Variants in IGFBP7 observed in about 807,000 individuals in gnomAD.
IGFBP7 encodes insulin-like growth factor-binding protein 7.
A neutral mutation model predicts 29.4 loss-of-function variants in IGFBP7; 31 were observed. The observed-to-expected ratio is 1.05, with a 90% CI of 0.79 to 1.42. IGFBP7 has a LOEUF of 1.42. Among genes scored for constraint, IGFBP7 ranks in the 40% most tolerant of loss-of-function variants. IGFBP7 has a pLI of 0.00. For missense variants in IGFBP7, 393 were observed against 395.5 expected (o/e 0.99, Z 0.05); for synonymous variants, 172 against 174.9 (o/e 0.98, Z 0.13).
intron 1 of IGFBP7, among the ~76,000 whole-genome samples, chr4:57,062,499 G>A (rs1348028998): frequency 1.3e-5 from 2 of 152,164 alleles, no homozygotes; most frequent in East Asian, 1.9e-4. Context: ...GCTTAGACTT[G>A]CAACCCCAAA....
chr4:57,074,055 C>A (rs1388861649), intron 1 of IGFBP7, among the ~76,000 whole-genome samples: 7 of 64,070 alleles, frequency 1.1e-4, no homozygotes, highest in Non-Finnish European at 2.3e-4. Context: ...CTCTCTCTCT[C>A]TCTCTCTCTC....
At chr4:57,034,809 T>G (rs1442564898) in intron 2 of IGFBP7, among the ~76,000 whole-genome samples, 1 of 152,178 alleles carries the variant, frequency 6.6e-6, no homozygotes, top group Admixed American at 6.5e-5. Context: ...TTTTTGCATT[T>G]TTTTTCTGGA....
At position 57,035,616 on chromosome 4, in the gene IGFBP7, A is replaced by T. The variant is rs575841661; in HGVS notation, c.586-2305T>A. Among the ~76,000 whole-genome samples, 64 of 152,076 alleles carry T rather than the reference A, an allele frequency of 4.2e-4. 1 individual carries two copies. The South Asian group carries it at 0.013, about 31-fold the overall frequency. On this transcript the variant is annotated intron_variant, in intron 2 of 4. Transcript: ENST00000295666. Reference sequence around the variant, plus strand: ...GCTGGGATTACAGGCATGTGCCACCACGCCTGGCTAATTTTTATAGTTTTA... The same window carrying T: ...GCTGGGATTACAGGCATGTGCCACCTCGCCTGGCTAATTTTTATAGTTTTA...
At chr4:57,076,341 A>G (rs1482712640) in intron 1 of IGFBP7, among the ~76,000 whole-genome samples, 1 of 152,216 alleles carries the variant, frequency 6.6e-6, no homozygotes, top group Non-Finnish European at 1.5e-5. Context: ...GTACCAAGGA[A>G]TTCTTGCTCA....
intron 1 of IGFBP7, among the ~76,000 whole-genome samples, chr4:57,043,579 G>C (rs895691245): frequency 3.9e-5 from 6 of 152,190 alleles, no homozygotes; most frequent in Non-Finnish European, 7.4e-5. Context: ...AGCATTAGAA[G>C]CTGATTTTTT....
chr4:57,049,769 A>T (rs1724458506), intron 1 of IGFBP7, among the ~76,000 whole-genome samples: 1 of 152,146 alleles, frequency 6.6e-6, no homozygotes, highest in African/African-American at 2.4e-5. Context: ...CTACGGAATC[A>T]AAAGATCTTC....
intron 1 of IGFBP7, among the ~76,000 whole-genome samples, chr4:57,081,735 G>A (rs569833685): frequency 6.6e-6 from 1 of 152,188 alleles, no homozygotes; most frequent in South Asian, 2.1e-4. Flanking sequence ...TTCTGAGTCC[G>A]CTGGGGCCTT....
intron 1 of IGFBP7, among the ~76,000 whole-genome samples, chr4:57,109,183 C>A (rs939169595): frequency 6.6e-5 from 10 of 152,056 alleles, no homozygotes; most frequent in African/African-American, 2.4e-4. Context: ...TGCCTGTAAT[C>A]CCAGCAGGCC....
At chr4:57,059,075 T>G (rs922872824) in intron 1 of IGFBP7, among the ~76,000 whole-genome samples, 1 of 152,194 alleles carries the variant, frequency 6.6e-6, no homozygotes, top group Non-Finnish European at 1.5e-5. Context: ...GAATTGCTAT[T>G]ATTAAATAGT....
chr4:57,091,069 T>A (rs1024231663), intron 1 of IGFBP7, among the ~76,000 whole-genome samples: 2 of 152,164 alleles, frequency 1.3e-5, no homozygotes, highest in Non-Finnish European at 2.9e-5. Context: ...GTTAGACAAC[T>A]GCCACTGCCA....
chr4:57,032,330 A>G, intron 4 of IGFBP7, 96 bp downstream of exon 4: 19 of 1,521,120 alleles, frequency 1.2e-5, no homozygotes, highest in Non-Finnish European at 1.5e-5. Flanking sequence ...ACAGAATTTC[A>G]TCAATAGCTA....
chr4:57,101,687 C>T (rs935206174), intron 1 of IGFBP7, among the ~76,000 whole-genome samples: 20 of 148,706 alleles, frequency 1.3e-4, no homozygotes, highest in Non-Finnish European at 2.7e-4. Flanking sequence ...GTAAACGTTT[C>T]CCCCCCTCCC....
intron 2 of IGFBP7, among the ~76,000 whole-genome samples, chr4:57,036,736 A>G (rs2109738432): frequency 6.6e-6 from 1 of 152,324 alleles, no homozygotes; most frequent in South Asian, 2.1e-4. Flanking sequence ...CTCAAGTGTC[A>G]TGGAGAAAAG....
intron 1 of IGFBP7, among the ~76,000 whole-genome samples, chr4:57,062,178 C>T (rs575788377): frequency 6.6e-6 from 1 of 152,220 alleles, no homozygotes; most frequent in Non-Finnish European, 1.5e-5. Flanking sequence ...TACCTGTCTA[C>T]ATAATCCGTA....
At chr4:57,052,869 A>G (rs35751300) in intron 1 of IGFBP7, among the ~76,000 whole-genome samples, 36,540 of 152,000 alleles carry the variant, frequency 0.24, 4,713 homozygotes, top group East Asian at 0.34. Flanking sequence ...GTACTCAAAT[A>G]TCTCACTACG....
At chr4:57,089,218 A>G (rs1247577674) in intron 1 of IGFBP7, among the ~76,000 whole-genome samples, 1 of 152,212 alleles carries the variant, frequency 6.6e-6, no homozygotes, top group Admixed American at 6.5e-5. Flanking sequence ...CTGAGGATGA[A>G]TTGAAGTTTA....
intron 1 of IGFBP7, among the ~76,000 whole-genome samples, chr4:57,099,287 A>C (rs558464008): frequency 1.3e-5 from 2 of 152,308 alleles, no homozygotes; most frequent in East Asian, 3.9e-4. Context: ...CTTCTCCCTC[A>C]AAAAGTCTAA....
chr4:57,059,698 A>G (rs1212223935), intron 1 of IGFBP7, among the ~76,000 whole-genome samples: 2 of 152,130 alleles, frequency 1.3e-5, no homozygotes. Context: ...CCTCCATGAC[A>G]CGAGTTTACC....
Position 57,033,981 on chromosome 4 carries a change from C to T in IGFBP7, c.586-670G>A, listed in dbSNP as rs976951390. 7.5e-5 allele frequency among the ~76,000 whole-genome samples: 10 copies of T among 132,552 alleles called. 1 individual carries two copies. Among genetic ancestry groups the T allele is most frequent in the East Asian group, 2.4e-4 (1 of 4,100 alleles). The allele number at this position is 132,552 out of a possible 152,430, so 87.0% of individuals were successfully genotyped here. Reference sequence around the variant, plus strand: ...TGGGAGAATTGCTTGAACCTGGAGGCGGAGGTTGCAGTGAGCTGAGATCGC... The same window carrying T: ...TGGGAGAATTGCTTGAACCTGGAGGTGGAGGTTGCAGTGAGCTGAGATCGC... On this transcript the variant is annotated intron_variant, in intron 2 of 4. Transcript: ENST00000295666.
Sources: gnomAD v4.1 joint callset for allele counts (sites outside exome capture counted in the v4.1 genomes callset) on GRCh38, gnomAD v4.1.1 for gene constraint, MANE v1.5 for transcripts, NCBI Gene and HGNC (gene_info 2026-07-23, HGNC 2026-07-21) for gene names.